The following KIF13B variants were observed in gnomAD, a reference collection of about 807,000 sequenced individuals.
The protein encoded by KIF13B is kinesin family member 13B.
KIF13B carries 127 observed loss-of-function variants against 222.0 expected under a neutral mutation model. That is an observed-to-expected ratio of 0.57 (90% CI 0.50 to 0.66). The LOEUF is 0.66. Among genes scored for constraint, KIF13B ranks in the 30% least tolerant of loss-of-function variants. The pLI is 0.00. For synonymous variants in KIF13B, 976 were observed against 919.0 expected, an observed-to-expected ratio of 1.06 and a Z score of -1.12; for missense variants, 2,173 against 2,379.0, an observed-to-expected ratio of 0.91 and a Z score of 1.80.
intron 1 of KIF13B, chr8:29,249,987 C>T (rs968165700): frequency 7.8e-7 from 1 of 1,278,312 alleles, no homozygotes; most frequent in African/African-American, 1.5e-5. Context: ...AATTTTACCT[C>T]TTCACTTCCT....
At chr8:29,223,673 G>C (rs919117523) in intron 2 of KIF13B, among the ~76,000 whole-genome samples, 2 of 152,136 alleles carry the variant, frequency 1.3e-5, no homozygotes, top group Non-Finnish European at 2.9e-5. Flanking sequence ...TCCAACTCTG[G>C]TATATTGTAT....
At position 29,196,210 on chromosome 8, in the gene KIF13B, A is replaced by G. The variant is rs778104247; in HGVS notation, c.150-11T>C. On this transcript the variant is annotated splice_polypyrimidine_tract_variant and intron_variant, in intron 2 of 39. Transcript: ENST00000524189. Reference sequence around the variant, plus strand: ...ACCTTCGGCTGGCCCCTGAGCTCCCAAAACAGATGTCATCATTGACGTGAA... The same window carrying G: ...ACCTTCGGCTGGCCCCTGAGCTCCCGAAACAGATGTCATCATTGACGTGAA... 19 of 1,555,910 alleles carry G rather than the reference A, an allele frequency of 1.2e-5. No homozygotes were observed. The highest frequency in any genetic ancestry group is 8.7e-7 in the Non-Finnish European group (1 of 1,149,848).
At chr8:29,246,800 A>G (rs1214306300) in intron 1 of KIF13B, among the ~76,000 whole-genome samples, 1 of 152,236 alleles carries the variant, frequency 6.6e-6, no homozygotes, top group Non-Finnish European at 1.5e-5. Context: ...ATATACTGTC[A>G]CATTTATGGT....
chr8:29,228,008 T>C (rs557057758), intron 2 of KIF13B, among the ~76,000 whole-genome samples: 1 of 151,698 alleles, frequency 6.6e-6, no homozygotes, highest in East Asian at 1.9e-4. Flanking sequence ...TACCTTTCTT[T>C]CCTGATCAAC....
chr8:29,252,708 T>C (rs552760547), intron 1 of KIF13B, among the ~76,000 whole-genome samples: 83 of 152,338 alleles, frequency 5.4e-4, no homozygotes, highest in African/African-American at 1.9e-3. Flanking sequence ...AAAATATTCA[T>C]CAATGATATT....
chr8:29,208,820 C>T (rs1234755461), intron 2 of KIF13B, among the ~76,000 whole-genome samples: 1 of 152,298 alleles, frequency 6.6e-6, no homozygotes, highest in Non-Finnish European at 1.5e-5. Context: ...CCTAAGACAT[C>T]CACTTCTATT....
chr8:29,109,197 G>A (rs1465411064), intron 34 of KIF13B, among the ~76,000 whole-genome samples: 2 of 152,196 alleles, frequency 1.3e-5, no homozygotes, highest in Non-Finnish European at 2.9e-5. Flanking sequence ...AGGCAGTGGT[G>A]ATCGGAAGAT....
At chr8:29,162,342 T>A (rs1811818399) in intron 12 of KIF13B, among the ~76,000 whole-genome samples, 1 of 152,232 alleles carries the variant, frequency 6.6e-6, no homozygotes, top group Admixed American at 6.5e-5. Context: ...AGCCAATATA[T>A]CCTGCCTAGA....
At chr8:29,206,479 G>A (rs1813946826) in intron 2 of KIF13B, among the ~76,000 whole-genome samples, 1 of 149,048 alleles carries the variant, frequency 6.7e-6, no homozygotes. Context: ...ACTTCCTTGA[G>A]TGAAAATTCA....
intron 9 of KIF13B, 129 bp from the exon 10 acceptor site, chr8:29,176,308 G>A (rs751464013): frequency 4.3e-4 from 265 of 620,494 alleles, no homozygotes; most frequent in Middle Eastern, 1.3e-3. Flanking sequence ...GCATTTTGCC[G>A]CTCAGTTCAA....
intron 10 of KIF13B, among the ~76,000 whole-genome samples, chr8:29,169,399 A>G (rs1812142032): frequency 2.0e-5 from 3 of 152,358 alleles, no homozygotes; most frequent in Middle Eastern, 3.4e-3. Flanking sequence ...GCTGCCCACA[A>G]TACACATTTG....
chr8:29,192,834 C>A lies in KIF13B; in HGVS notation c.163-1777G>T, dbSNP rs1813246265. Among the ~76,000 whole-genome samples, 4 of 151,982 alleles carry A rather than the reference C, an allele frequency of 2.6e-5. No homozygotes were observed. The South Asian group carries it at 8.3e-4, about 32-fold the overall frequency. ...AAGGAAGAGAAGGGGGAAAAAAGAA[C>A]AAGGTTTTGAAACCAAGAGTGCTTG... On this transcript the variant is annotated intron_variant, in intron 3 of 39. Transcript: ENST00000524189.
chr8:29,192,913 T>A (rs920789813), intron 3 of KIF13B, among the ~76,000 whole-genome samples: 3 of 146,592 alleles, frequency 2.0e-5, no homozygotes, highest in Non-Finnish European at 4.5e-5. Context: ...CCAATGAAAC[T>A]GATGGGGGTA....
intron 13 of KIF13B, among the ~76,000 whole-genome samples, chr8:29,158,753 A>G (rs1250308794): frequency 6.6e-6 from 1 of 152,234 alleles, no homozygotes; most frequent in Non-Finnish European, 1.5e-5. Flanking sequence ...CAAGAAATCA[A>G]CACTGCCTCA....
intron 14 of KIF13B, among the ~76,000 whole-genome samples, chr8:29,152,051 T>G (rs1200121506): frequency 2.0e-5 from 3 of 152,166 alleles, no homozygotes; most frequent in Non-Finnish European, 4.4e-5. Context: ...TCATCATGGA[T>G]GCCTTCGGGG....
intron 36 of KIF13B, 28 bp from the exon 37 acceptor site, chr8:29,092,906 A>T: frequency 6.4e-7 from 1 of 1,572,170 alleles, no homozygotes; most frequent in South Asian, 1.2e-5. Flanking sequence ...GAAAAAGATA[A>T]AACAAATACA....
At chr8:29,153,178 T>G (rs1358596900) in intron 14 of KIF13B, among the ~76,000 whole-genome samples, 1 of 152,192 alleles carries the variant, frequency 6.6e-6, no homozygotes, top group Non-Finnish European at 1.5e-5. Flanking sequence ...AAGTTCTAAA[T>G]TTGTTCCACA....
At chr8:29,170,352 G>A (rs946907778) in intron 10 of KIF13B, among the ~76,000 whole-genome samples, 28 of 152,218 alleles carry the variant, frequency 1.8e-4, no homozygotes. Context: ...AGGTCACAGA[G>A]CTGATTCAGA....
intron 35 of KIF13B, among the ~76,000 whole-genome samples, chr8:29,103,352 GAA>G (rs748188733): frequency 3.9e-5 from 6 of 152,016 alleles, no homozygotes; most frequent in Non-Finnish European, 5.9e-5. Context: ...CTCCAGGGTG[GAA>G]AGACCAACGA....
Sources: allele counts gnomAD v4.1 joint callset (sites outside exome capture counted in the v4.1 genomes callset), GRCh38; gene constraint gnomAD v4.1.1; transcripts MANE v1.5; gene names NCBI Gene and HGNC (gene_info 2026-07-23, HGNC 2026-07-21).